The following PREX2 variants were observed in gnomAD, a reference collection of about 807,000 sequenced individuals.
PREX2 encodes phosphatidylinositol-3,4,5-trisphosphate dependent Rac exchange factor 2.
PREX2 carries 107 observed loss-of-function variants against 203.2 expected under a neutral mutation model. The observed-to-expected ratio is 0.53, with a 90% CI of 0.45 to 0.62. The LOEUF is 0.62. PREX2 is among the 20% of genes least tolerant of loss of function. PREX2 has a pLI of 0.00. For synonymous variants in PREX2, 672 were observed against 663.6 expected, an observed-to-expected ratio of 1.01 and a Z score of -0.19; for missense variants, 1,777 against 1,955.9, an observed-to-expected ratio of 0.91 and a Z score of 1.72.
chr8:68,213,951 T>C (rs1812787651), intron 37 of PREX2, among the ~76,000 whole-genome samples: 1 of 152,188 alleles, frequency 6.6e-6, no homozygotes, highest in Non-Finnish European at 1.5e-5. Context: ...GGGAAAGAAT[T>C]GTGTGAATAT....
intron 9 of PREX2, among the ~76,000 whole-genome samples, chr8:68,053,873 A>C (rs1359915885): frequency 2.0e-5 from 3 of 152,202 alleles, no homozygotes; most frequent in African/African-American, 7.2e-5. Flanking sequence ...AAAAATTTGC[A>C]AAAGGAATTT....
At chr8:68,063,953 C>T (rs1808940867) in intron 11 of PREX2, among the ~76,000 whole-genome samples, 1 of 152,088 alleles carries the variant, frequency 6.6e-6, no homozygotes, top group South Asian at 2.1e-4. Context: ...TTGAATGAAC[C>T]ATCTGTTTTA....
Position 68,053,077 on chromosome 8 carries a change from C to T in PREX2, c.944-20C>T, listed in dbSNP as rs1563519554. 2 of 1,605,710 alleles carry T rather than the reference C, an allele frequency of 1.2e-6. No individual in the cohort carries two copies. Among genetic ancestry groups the T allele is most frequent in the Non-Finnish European group, 1.7e-6 (2 of 1,175,014 alleles). ...TGTGTATTACATTTTGTTCATTTGCCTTTACCCATTAATTTACAGCTGATT... is the reference window on the plus strand; with the variant it reads ...TGTGTATTACATTTTGTTCATTTGCTTTTACCCATTAATTTACAGCTGATT... On this transcript the variant is annotated intron_variant, in intron 8 of 39. Coordinates refer to ENST00000288368, the MANE Select transcript of PREX2 (RefSeq NM_024870.4).
At chr8:68,172,708 G>A (rs952811121) in intron 35 of PREX2, among the ~76,000 whole-genome samples, 11 of 152,116 alleles carry the variant, frequency 7.2e-5, no homozygotes, top group Admixed American at 7.2e-4. Flanking sequence ...TCTAGCAGAG[G>A]GAACAGCATG....
chr8:68,069,973 C>T (rs1297614875), intron 13 of PREX2, 89 bp downstream of exon 13: 5 of 661,780 alleles, frequency 7.6e-6, no homozygotes, highest in Admixed American at 2.7e-5. Context: ...AACTTGTTGG[C>T]TTATTTTGTT....
chr8:68,141,905 A>G (rs537169064), intron 33 of PREX2, among the ~76,000 whole-genome samples: 2 of 152,174 alleles, frequency 1.3e-5, no homozygotes, highest in Non-Finnish European at 2.9e-5. Context: ...TAGCTAATAA[A>G]TTTCCACAAA....
intron 6 of PREX2, among the ~76,000 whole-genome samples, chr8:68,037,396 A>G (rs1371093215): frequency 2.6e-5 from 4 of 152,146 alleles, no homozygotes; most frequent in African/African-American, 9.7e-5. Context: ...ATAATGGCTC[A>G]AAATAGACAT....
At chr8:68,089,368 A>G (rs1245250005) in intron 19 of PREX2, among the ~76,000 whole-genome samples, 2 of 152,130 alleles carry the variant, frequency 1.3e-5, no homozygotes, top group Non-Finnish European at 2.9e-5. Flanking sequence ...ACTTGTTCCT[A>G]CGTTACAGAC....
intron 30 of PREX2, among the ~76,000 whole-genome samples, chr8:68,122,080 A>G (rs1259666561): frequency 6.6e-6 from 1 of 152,138 alleles, no homozygotes; most frequent in African/African-American, 2.4e-5. Flanking sequence ...CTGACAAAAG[A>G]CAACCCCTTA....
chr8:68,143,337 C>G (rs1313755038), intron 33 of PREX2, among the ~76,000 whole-genome samples: 1 of 152,060 alleles, frequency 6.6e-6, no homozygotes, highest in Non-Finnish European at 1.5e-5. Context: ...CATGTCCCAG[C>G]TTGCTCTCTT....
At chr8:68,165,465 G>A (rs972073934) in intron 35 of PREX2, among the ~76,000 whole-genome samples, 8 of 151,848 alleles carry the variant, frequency 5.3e-5, no homozygotes, top group African/African-American at 1.2e-4. Context: ...TTTCACGGAC[G>A]GGTTTTTTAG....
At chr8:68,128,385 A>T (rs1290384720) in intron 31 of PREX2, among the ~76,000 whole-genome samples, 1 of 152,144 alleles carries the variant, frequency 6.6e-6, no homozygotes, top group African/African-American at 2.4e-5. Context: ...AAATTCCCCA[A>T]ACTTTCTGGC....
chr8:68,039,542 T>G (rs1808132593), intron 7 of PREX2, among the ~76,000 whole-genome samples: 1 of 152,096 alleles, frequency 6.6e-6, no homozygotes, highest in Non-Finnish European at 1.5e-5. Flanking sequence ...TGTCAGTTGC[T>G]CTCAAATCTC....
At chr8:68,045,845 G>A (rs1215217665) in intron 8 of PREX2, among the ~76,000 whole-genome samples, 1 of 152,040 alleles carries the variant, frequency 6.6e-6, no homozygotes, top group Non-Finnish European at 1.5e-5. Flanking sequence ...TCCATAGCAG[G>A]ATGTACACAT....
At position 68,134,226 on chromosome 8, in the gene PREX2, G is replaced by A; in HGVS notation, c.3934G>A (p.Ala1312Thr). The A allele has an allele frequency of 3.1e-6, 5 of 1,614,152 alleles. No individual in the cohort carries two copies. The highest frequency in any genetic ancestry group is 4.2e-6 in the Non-Finnish European group (5 of 1,180,002). The change falls in exon 32 of 40, where the codon GCG becomes ACG. Residue 1312 changes from alanine (A) to threonine (T), a missense_variant. Ala to Thr is a moderately conservative substitution (Grantham distance 58). Transcript: ENST00000288368. The stretch of plus-strand genomic sequence containing the variant: ...CAGCAGGAGGTGGCTGGACCAGATA[G>A]CGAATGCAGGTGTTCTTTTTCACTT... Reference protein sequence around the residue: ...EASRRWLDQIANAGVLFHFQS... With the variant: ...EASRRWLDQITNAGVLFHFQS...
chr8:67,960,672 G>A (rs560854611), intron 1 of PREX2, among the ~76,000 whole-genome samples: 1 of 152,110 alleles, frequency 6.6e-6, no homozygotes, highest in Admixed American at 6.5e-5. Flanking sequence ...CTTGCTATCC[G>A]ATGGTCGTTC....
chr8:68,104,136 C>T (rs1273374878), intron 23 of PREX2, among the ~76,000 whole-genome samples: 2 of 152,150 alleles, frequency 1.3e-5, no homozygotes, highest in Non-Finnish European at 2.9e-5. Flanking sequence ...TCTCTCACAC[C>T]ATTCTTGTGG....
intron 9 of PREX2, 75 bp from the exon 10 acceptor site, chr8:68,055,755 G>C: frequency 7.3e-7 from 1 of 1,371,980 alleles, no homozygotes; most frequent in Admixed American, 1.9e-5. Context: ...ACAAATGCTT[G>C]CTTAATGAAG....
Position 68,019,550 on chromosome 8 carries a change from T to A in PREX2, c.215T>A (p.Met72Lys). Residue 72 changes from methionine (M) to lysine (K), a missense_variant and splice_region_variant, in exon 3 of 40, where the codon ATG becomes AAG. By Grantham distance (95) the Met-to-Lys change is moderately conservative. Coordinates refer to ENST00000288368, the MANE Select transcript of PREX2 (RefSeq NM_024870.4). ...DKNVTEETVK[M>K]LFSNIEDILA... ...ACTTACACATTTGTTTATTTACAGA[T>A]GTTGTTCTCAAACATTGAAGACATC... 2 of 1,606,952 alleles carry A rather than the reference T, an allele frequency of 1.2e-6. No individual in the cohort carries two copies. Among genetic ancestry groups the A allele is most frequent in the Non-Finnish European group, 8.5e-7 (1 of 1,177,198 alleles).
Sources: allele counts gnomAD v4.1 joint callset (sites outside exome capture counted in the v4.1 genomes callset), GRCh38; gene constraint gnomAD v4.1.1; transcripts MANE v1.5; gene names NCBI Gene and HGNC (gene_info 2026-07-23, HGNC 2026-07-21).